Variants in GALNTL6 observed in about 807,000 individuals in gnomAD.
The protein encoded by GALNTL6 is polypeptide N-acetylgalactosaminyltransferase-like 6.
GALNTL6 carries 46 observed loss-of-function variants against 73.7 expected under a neutral mutation model. The ratio of observed to expected loss-of-function variants is 0.62; its 90% CI spans 0.49 to 0.80. GALNTL6 has a LOEUF of 0.80. Among genes scored for constraint, GALNTL6 ranks in the 30% least tolerant of loss-of-function variants. The pLI is 0.00. For synonymous variants in GALNTL6, 259 were observed against 263.7 expected, an observed-to-expected ratio of 0.98 and a Z score of 0.17; for missense variants, 604 against 755.0, an observed-to-expected ratio of 0.80 and a Z score of 2.34.
rs184171849 is a variant in GALNTL6 at position 173,003,047 on chromosome 4, A to C, written c.1372-6131A>C. On this transcript the variant is annotated intron_variant, in intron 10 of 12. Transcript: ENST00000506823. ...GAATTATGAAATATTTTAGACATAG[A>C]TCTTGGTGATGGTTACACAACATTT... Among the ~76,000 whole-genome samples the C allele has an allele frequency of 2.4e-3, 359 of 152,310 alleles. 2 individuals are homozygous for C. Among genetic ancestry groups the C allele is most frequent in the African/African-American group, 8.2e-3 (339 of 41,566 alleles).
At chr4:171,989,150 C>A (rs907055777) in intron 2 of GALNTL6, among the ~76,000 whole-genome samples, 22 of 152,062 alleles carry the variant, frequency 1.4e-4, no homozygotes, top group East Asian at 3.9e-4. Flanking sequence ...GGAAACAGGC[C>A]CTTGAAAATA....
intron 5 of GALNTL6, among the ~76,000 whole-genome samples, chr4:172,402,461 T>C (rs959233986): frequency 1.3e-5 from 2 of 152,100 alleles, no homozygotes; most frequent in African/African-American, 4.8e-5. Flanking sequence ...AGCGTAATTT[T>C]AAATCCAAAG....
At chr4:171,916,471 T>A (rs1399326363) in intron 2 of GALNTL6, among the ~76,000 whole-genome samples, 1 of 152,158 alleles carries the variant, frequency 6.6e-6, no homozygotes, top group African/African-American at 2.4e-5. Context: ...TGCATTGGAA[T>A]AAATCATTTT....
chr4:172,253,840 C>G (rs1276122936), intron 3 of GALNTL6, among the ~76,000 whole-genome samples: 3 of 151,820 alleles, frequency 2.0e-5, no homozygotes, highest in African/African-American at 7.2e-5. Context: ...ATTGTTTGTT[C>G]ATTTGTTTTA....
intron 5 of GALNTL6, among the ~76,000 whole-genome samples, chr4:172,638,371 C>T (rs1739792880): frequency 6.6e-6 from 1 of 152,010 alleles, no homozygotes; most frequent in African/African-American, 2.4e-5. Context: ...TGGTAAAGCC[C>T]CTCCCAGGAA....
chr4:172,182,996 A>G (rs1216240922), intron 2 of GALNTL6, among the ~76,000 whole-genome samples: 1 of 152,184 alleles, frequency 6.6e-6, no homozygotes, highest in Non-Finnish European at 1.5e-5. Flanking sequence ...ACACTAGAAG[A>G]CTGGTCCATT....
chr4:172,015,914 T>G (rs967134721), intron 2 of GALNTL6, among the ~76,000 whole-genome samples: 1 of 142,152 alleles, frequency 7.0e-6, no homozygotes, highest in Non-Finnish European at 1.5e-5. Context: ...CAGCTGATAA[T>G]CTAATAGGAT....
At chr4:173,010,173 C>T (rs557116225) in intron 11 of GALNTL6, among the ~76,000 whole-genome samples, 65 of 152,292 alleles carry the variant, frequency 4.3e-4, no homozygotes, top group African/African-American at 1.5e-3. Flanking sequence ...ACTACCCTTG[C>T]CAGCCTCTGG....
intron 5 of GALNTL6, among the ~76,000 whole-genome samples, chr4:172,803,561 A>G (rs1740782541): frequency 6.6e-6 from 1 of 152,192 alleles, no homozygotes. Context: ...ATTTGACAAG[A>G]ATACTTCATA....
chr4:172,790,128 GA>G (rs1381070796), intron 5 of GALNTL6, among the ~76,000 whole-genome samples: 1 of 152,230 alleles, frequency 6.6e-6, no homozygotes, highest in Non-Finnish European at 1.5e-5. Context: ...GGAGACAGGT[GA>G]AGGTTATTCA....
chr4:172,580,881 G>A (rs1202473438), intron 5 of GALNTL6, among the ~76,000 whole-genome samples: 1 of 152,162 alleles, frequency 6.6e-6, no homozygotes, highest in Non-Finnish European at 1.5e-5. Flanking sequence ...CAGGGTTCAA[G>A]CCTCCCGAGT....
rs1189195927 is a variant in GALNTL6, at chr4:171,923,786, C to CTCTGTGTGTGTG, written c.138+109069_138+109070insCTGTGTGTGTGT. ...CTACCAGGACACACAAAAAGTATTG[C>CTCTGTGTGTGTG]TGTGTGTGTGTGTGTGTGTGTGTGT... On this transcript the variant is annotated intron_variant, in intron 2 of 12. Coordinates refer to ENST00000506823, the MANE Select transcript of GALNTL6 (RefSeq NM_001034845.3). Among the ~76,000 whole-genome samples, 237 of 133,288 alleles carry CTCTGTGTGTGTG rather than the reference C, an allele frequency of 1.8e-3. 1 individual carries two copies. Among genetic ancestry groups the CTCTGTGTGTGTG allele is most frequent in the Middle Eastern group, 8.5e-3 (2 of 236 alleles). The allele number at this position is 133,288 out of a possible 152,430, so 87.4% of individuals were successfully genotyped here. A position where few individuals can be genotyped will look rare whatever the true frequency, so the allele number is the denominator to read the frequency against.
chr4:171,957,619 G>A (rs1449908503), intron 2 of GALNTL6, among the ~76,000 whole-genome samples: 1 of 152,102 alleles, frequency 6.6e-6, no homozygotes. Flanking sequence ...ACGCATTGCG[G>A]CATTTTAAGA....
At chr4:172,066,193 A>C (rs1731357696) in intron 2 of GALNTL6, among the ~76,000 whole-genome samples, 1 of 152,128 alleles carries the variant, frequency 6.6e-6, no homozygotes, top group Non-Finnish European at 1.5e-5. Flanking sequence ...ATCCACTATT[A>C]TAGTATCATA....
At chr4:171,820,188 A>G (rs904836483) in intron 2 of GALNTL6, among the ~76,000 whole-genome samples, 3 of 152,210 alleles carry the variant, frequency 2.0e-5, no homozygotes, top group Non-Finnish European at 4.4e-5. Flanking sequence ...AAGCATTCAC[A>G]AAACTTCAAG....
intron 5 of GALNTL6, among the ~76,000 whole-genome samples, chr4:172,726,426 T>G (rs1212877050): frequency 6.6e-6 from 1 of 152,164 alleles, no homozygotes; most frequent in Non-Finnish European, 1.5e-5. Flanking sequence ...TCCTTTGTAC[T>G]TGCACCCTAA....
At chr4:172,051,632 T>G (rs1730869031) in intron 2 of GALNTL6, among the ~76,000 whole-genome samples, 3 of 152,278 alleles carry the variant, frequency 2.0e-5, no homozygotes, top group East Asian at 3.9e-4. Flanking sequence ...TCTGCCATTT[T>G]TCTTCTCTTC....
chr4:171,960,543 G>A (rs551392137), intron 2 of GALNTL6, among the ~76,000 whole-genome samples: 1 of 152,032 alleles, frequency 6.6e-6, no homozygotes, highest in African/African-American at 2.4e-5. Flanking sequence ...GCCTCCCAAA[G>A]TGCTAGGATT....
chr4:172,420,368 C>T (rs1006707332), intron 5 of GALNTL6, among the ~76,000 whole-genome samples: 1 of 152,166 alleles, frequency 6.6e-6, no homozygotes, highest in Admixed American at 6.6e-5. Flanking sequence ...GCAGTAACTC[C>T]CAGATGTTAT....
Sources: gnomAD v4.1 joint callset for allele counts (sites outside exome capture counted in the v4.1 genomes callset) on GRCh38, gnomAD v4.1.1 for gene constraint, MANE v1.5 for transcripts, NCBI Gene and HGNC (gene_info 2026-07-23, HGNC 2026-07-21) for gene names.